DIAPH3: variants seen among roughly 807,000 people sequenced by gnomAD.
The protein encoded by DIAPH3 is protein diaphanous homolog 3.
Under a neutral mutation model 144.3 loss-of-function variants are expected in DIAPH3, and 117 were observed. That is an observed-to-expected ratio of 0.81 (90% CI 0.70 to 0.95). The LOEUF (loss-of-function observed/expected upper bound fraction) is 0.95. Among genes scored for constraint, DIAPH3 ranks in the 40% least tolerant of loss-of-function variants. The pLI is 0.00. For synonymous variants in DIAPH3, 519 were observed against 488.9 expected (o/e 1.06, Z -0.81); for missense variants, 1,421 against 1,412.7 (o/e 1.01, Z -0.09).
At chr13:59,819,052 T>C (rs995800824) in intron 24 of DIAPH3, among the ~76,000 whole-genome samples, 1 of 151,896 alleles carries the variant, frequency 6.6e-6, no homozygotes, top group Non-Finnish European at 1.5e-5. Flanking sequence ...CCCTTGTTTC[T>C]TTGTGTGTTT....
intron 4 of DIAPH3, among the ~76,000 whole-genome samples, chr13:60,081,041 C>A (rs960316602): frequency 6.6e-6 from 1 of 151,878 alleles, no homozygotes; most frequent in African/African-American, 2.4e-5. Flanking sequence ...AATTTAAATT[C>A]TTTAAGATAG....
chr13:59,784,451 T>G (rs974883302), intron 25 of DIAPH3, among the ~76,000 whole-genome samples: 3 of 150,734 alleles, frequency 2.0e-5, no homozygotes, highest in Non-Finnish European at 4.4e-5. Context: ...TCTCAGCTCA[T>G]GGCAACCTCT....
intron 12 of DIAPH3, among the ~76,000 whole-genome samples, chr13:59,988,508 G>T (rs1011853080): frequency 4.6e-5 from 7 of 151,664 alleles, no homozygotes. Context: ...TCTATAATGT[G>T]GCTGAAATTT....
At chr13:59,819,474 C>T (rs2040948274) in intron 24 of DIAPH3, among the ~76,000 whole-genome samples, 1 of 151,772 alleles carries the variant, frequency 6.6e-6, no homozygotes, top group African/African-American at 2.4e-5. Context: ...TTGTGATAAG[C>T]AAAGTCCTCA....
Position 59,748,805 on chromosome 13 carries a change from C to T in DIAPH3, c.3319+25384G>A, listed in dbSNP as rs2036833513. ...TCTAAGCATTTTATATTAGAGGGGGCCAGAAGCCACGGTTGGTGGTAATCT... is the reference window on the plus strand; with the variant it reads ...TCTAAGCATTTTATATTAGAGGGGGTCAGAAGCCACGGTTGGTGGTAATCT... On this transcript the variant is annotated intron_variant, in intron 27 of 27. Transcript: ENST00000400324. Among the ~76,000 whole-genome samples the T allele has an allele frequency of 2.6e-5, 4 of 152,080 alleles. No individual in the cohort carries two copies. The South Asian group carries it at 6.2e-4, about 24-fold the overall frequency.
chr13:60,140,391 C>A (rs1281431882), intron 1 of DIAPH3, among the ~76,000 whole-genome samples: 1 of 152,122 alleles, frequency 6.6e-6, no homozygotes, highest in East Asian at 1.9e-4. Context: ...ATCACTACAG[C>A]ATTACTTTAA....
At chr13:59,866,211 A>C in intron 21 of DIAPH3, among the ~76,000 whole-genome samples, 1 of 151,962 alleles carries the variant, frequency 6.6e-6, no homozygotes, top group Non-Finnish European at 1.5e-5. Context: ...ATAATATAAC[A>C]CATGTTAAGT....
chr13:60,156,939 ATTTTTTTTTTTT>A (rs757042309), intron 1 of DIAPH3, among the ~76,000 whole-genome samples: 4,246 of 82,128 alleles, frequency 0.052, 249 homozygotes, highest in East Asian at 0.11. Context: ...ATATATATAT[ATTTTTTTTTTTT>A]TTTTTTTTGA....
intron 4 of DIAPH3, among the ~76,000 whole-genome samples, chr13:60,085,357 T>A (rs550535194): frequency 9.9e-5 from 15 of 152,230 alleles, no homozygotes; most frequent in South Asian, 6.2e-4. Context: ...ATGCTTAGCC[T>A]TTAAATTCTG....
At chr13:59,983,536 T>A (rs1404583282) in intron 13 of DIAPH3, among the ~76,000 whole-genome samples, 1 of 151,672 alleles carries the variant, frequency 6.6e-6, no homozygotes, top group African/African-American at 2.4e-5. Context: ...TTAGTGCCAC[T>A]GCCTTGATTC....
At chr13:60,136,472 CAAAAAA>C (rs34487556) in intron 1 of DIAPH3, among the ~76,000 whole-genome samples, 120 of 81,970 alleles carry the variant, frequency 1.5e-3, no homozygotes, top group Non-Finnish European at 2.3e-3. Flanking sequence ...TTATATTTAC[CAAAAAA>C]AAAAAAAAAA....
chr13:59,970,615 T>A (rs2050309550), intron 16 of DIAPH3, among the ~76,000 whole-genome samples: 1 of 152,012 alleles, frequency 6.6e-6, no homozygotes, highest in African/African-American at 2.4e-5. Context: ...TGGAACAACA[T>A]CAACTCTCAC....
chr13:59,677,560 T>C (rs1236914486), intron 27 of DIAPH3, among the ~76,000 whole-genome samples: 1 of 152,172 alleles, frequency 6.6e-6, no homozygotes, highest in Non-Finnish European at 1.5e-5. Context: ...AAATCAAATG[T>C]GTATTTCATA....
At chr13:59,928,736 C>T (rs1185227712) in intron 17 of DIAPH3, among the ~76,000 whole-genome samples, 1 of 152,120 alleles carries the variant, frequency 6.6e-6, no homozygotes, top group Non-Finnish European at 1.5e-5. Context: ...AGATGAAGAG[C>T]CAAACCCAAG....
At chr13:60,070,951 A>C (rs2057184184) in intron 4 of DIAPH3, among the ~76,000 whole-genome samples, 1 of 152,206 alleles carries the variant, frequency 6.6e-6, no homozygotes, top group Admixed American at 6.5e-5. Flanking sequence ...TTGATGTATA[A>C]TTGACATTAT....
chr13:59,810,615 C>T (rs1398404061), intron 25 of DIAPH3, among the ~76,000 whole-genome samples, 173 bp downstream of exon 25: 11 of 152,112 alleles, frequency 7.2e-5, no homozygotes, highest in African/African-American at 2.2e-4. Context: ...CTACACTACT[C>T]GTTAGTAAAT....
At chr13:60,114,581 CAT>C (rs1294010146) in intron 2 of DIAPH3, among the ~76,000 whole-genome samples, 4 of 151,418 alleles carry the variant, frequency 2.6e-5, no homozygotes, top group African/African-American at 9.7e-5. Flanking sequence ...AAATTGATTA[CAT>C]ATATATAACT....
intron 24 of DIAPH3, among the ~76,000 whole-genome samples, chr13:59,812,770 ATC>A (rs1405364755): frequency 6.6e-6 from 1 of 152,172 alleles, no homozygotes; most frequent in African/African-American, 2.4e-5. Flanking sequence ...ATCCCTCAGG[ATC>A]TTCTAGGCCA....
In DIAPH3 at chr13:60,015,906, T is replaced by C. The variant is rs2053610468; in HGVS notation, c.771+7A>G. ...GACGGACAAATACTAATTACGTATG[T>C]ACATACCTGCGTATTCATCAGGGCT... On this transcript the variant is annotated splice_region_variant and intron_variant, in intron 7 of 27. Transcript: ENST00000400324. 3.4e-5 allele frequency: 55 copies of C among 1,607,556 alleles called. No homozygotes were observed. The East Asian group carries it at 1.2e-3, about 34-fold the overall frequency.
Sources: allele counts gnomAD v4.1 joint callset (sites outside exome capture counted in the v4.1 genomes callset), GRCh38; gene constraint gnomAD v4.1.1; transcripts MANE v1.5; gene names NCBI Gene and HGNC (gene_info 2026-07-23, HGNC 2026-07-21).